RERE: variants seen among roughly 807,000 people sequenced by gnomAD.
RERE encodes the protein arginine-glutamic acid dipeptide repeats protein.
Under a neutral mutation model 146.1 loss-of-function variants are expected in RERE, and 40 were observed. The ratio of observed to expected loss-of-function variants is 0.27; its 90% CI spans 0.21 to 0.36. RERE has a LOEUF of 0.36. Ranked by LOEUF, RERE falls within the 10% of genes least tolerant of loss-of-function variation. RERE has a pLI of 1.00. For missense variants in RERE, 1,933 were observed against 2,138.7 expected (o/e 0.90, Z 1.90); for synonymous variants, 1,003 against 866.0 (o/e 1.16, Z -2.78).
chr1:8,465,916 C>G lies in RERE; in HGVS notation c.1203+9G>C. 1 of 1,613,316 alleles carries G rather than the reference C, an allele frequency of 6.2e-7. No homozygotes were observed. Among genetic ancestry groups the G allele is most frequent in the Non-Finnish European group, 8.5e-7 (1 of 1,179,332 alleles). The stretch of plus-strand genomic sequence containing the variant: ...CCAGAGCACAAGGCAAATGCTGGTT[C>G]CTGCTCACCACTTCGTCCTCGGTCC... On this transcript the variant is annotated intron_variant, in intron 11 of 22. Coordinates refer to ENST00000400908, the MANE Select transcript of RERE (RefSeq NM_001042681.2).
In RERE at chr1:8,789,301, A is replaced by AATAT. The variant is rs1553149622; in HGVS notation, c.-145+27855_-145+27858dup. Among the ~76,000 whole-genome samples, 129 of 24,786 alleles carry AATAT rather than the reference A, an allele frequency of 5.2e-3. 2 individuals are homozygous for AATAT. The highest frequency in any genetic ancestry group is 0.021 in the Middle Eastern group (1 of 48). 16.3% of individuals were successfully genotyped at this position (24,786 alleles called of 152,430 possible). A position where few individuals can be genotyped will look rare whatever the true frequency, so the allele number is the denominator to read the frequency against. On this transcript the variant is annotated intron_variant, in intron 1 of 22. Coordinates refer to ENST00000400908, the MANE Select transcript of RERE (RefSeq NM_001042681.2). ...CTCTACCAAAAAAAAAAAAAAAAAA[A>AATAT]ATATATATATATATATATATATATG...
rs140770849 is a variant in RERE at position 8,739,771 on chromosome 1, A to G, written c.-145+77389T>C. Among the ~76,000 whole-genome samples the G allele has an allele frequency of 4.9e-3, 743 of 152,012 alleles. 4 individuals carry two copies. The highest frequency in any genetic ancestry group is 0.017 in the African/African-American group (714 of 41,460). The stretch of plus-strand genomic sequence containing the variant: ...TCAAGTCCCACAGGTCCTACCTTCT[A>G]AGTATTTATTGAATCCATCTACTTC... On this transcript the variant is annotated intron_variant, in intron 1 of 22. Coordinates refer to ENST00000400908, the MANE Select transcript of RERE (RefSeq NM_001042681.2).
chr1:8,655,222 T>C (rs904120968), intron 2 of RERE, among the ~76,000 whole-genome samples: 41 of 151,926 alleles, frequency 2.7e-4, no homozygotes, highest in Non-Finnish European at 5.1e-4. Flanking sequence ...TTTTTTTTTT[T>C]CTGAGACGGA....
intron 1 of RERE, among the ~76,000 whole-genome samples, chr1:8,716,774 CTGG>C (rs137964387): frequency 1.5e-4 from 22 of 151,650 alleles, no homozygotes; most frequent in African/African-American, 5.1e-4. Context: ...CTTTGATCAC[CTGG>C]TGAAGAAAGT....
chr1:8,619,393 A>G (rs115361158), intron 3 of RERE, among the ~76,000 whole-genome samples: 2,312 of 152,332 alleles, frequency 0.015, 61 homozygotes, highest in African/African-American at 0.053. Context: ...ATGAATCAAT[A>G]TCATTAACCC....
At chr1:8,684,747 T>C (rs1003813212) in intron 1 of RERE, among the ~76,000 whole-genome samples, 1 of 152,230 alleles carries the variant, frequency 6.6e-6, no homozygotes, top group Non-Finnish European at 1.5e-5. Flanking sequence ...ACCACCATCT[T>C]TGCCTCCTGC....
At chr1:8,650,262 T>C (rs1290041251) in intron 2 of RERE, among the ~76,000 whole-genome samples, 1 of 152,180 alleles carries the variant, frequency 6.6e-6, no homozygotes, top group African/African-American at 2.4e-5. Context: ...AATTTAAATA[T>C]AGCTTGGGAC....
At chr1:8,654,630 G>GTTTTTTT (rs978497523) in intron 2 of RERE, among the ~76,000 whole-genome samples, 2 of 140,356 alleles carry the variant, frequency 1.4e-5, no homozygotes, top group African/African-American at 5.2e-5. Context: ...ATCTTGTTTT[G>GTTTTTTT]TTTTTTTTTG....
At chr1:8,729,055 C>T (rs1640028781) in intron 1 of RERE, among the ~76,000 whole-genome samples, 1 of 151,886 alleles carries the variant, frequency 6.6e-6, no homozygotes, top group South Asian at 2.1e-4. Context: ...ATCCTAGCTA[C>T]TCAGGAGGCT....
intron 1 of RERE, among the ~76,000 whole-genome samples, chr1:8,732,664 A>G (rs909634745): frequency 2.6e-5 from 4 of 152,204 alleles, no homozygotes; most frequent in African/African-American, 9.6e-5. Context: ...ACTTCAGTTA[A>G]TAATATATTA....
chr1:8,777,589 C>G (rs1008788990), intron 1 of RERE, among the ~76,000 whole-genome samples: 3 of 145,088 alleles, frequency 2.1e-5, no homozygotes, highest in Non-Finnish European at 4.5e-5. Flanking sequence ...GGCTGGAGTG[C>G]AGTGGCACAA....
chr1:8,442,444 T>C (rs1003189164), intron 11 of RERE, among the ~76,000 whole-genome samples: 1 of 151,898 alleles, frequency 6.6e-6, no homozygotes, highest in African/African-American at 2.4e-5. Context: ...TGCTCCTCCT[T>C]TCATCATGTG....
chr1:8,553,064 G>A (rs1490982846), intron 6 of RERE, among the ~76,000 whole-genome samples: 2 of 143,014 alleles, frequency 1.4e-5, no homozygotes, highest in South Asian at 2.2e-4. Flanking sequence ...CACACCAGTA[G>A]GCCAGTGTGT....
In RERE at chr1:8,414,990, G is replaced by C. The variant is rs78054286; in HGVS notation, c.1284+7737C>G. ...CTATTTTCCTAAGTATTACTCAAGG[G>C]TATAGTTTCAAATAAGATTAAAAAT... On this transcript the variant is annotated intron_variant, in intron 12 of 22. Coordinates refer to ENST00000400908, the MANE Select transcript of RERE (RefSeq NM_001042681.2). Among the ~76,000 whole-genome samples, 1,484 of 152,130 alleles carry C rather than the reference G, an allele frequency of 9.8e-3. 161 individuals are homozygous for C. The East Asian group carries it at 0.23, about 24-fold the overall frequency.
At chr1:8,398,473 G>A (rs193047089) in intron 12 of RERE, among the ~76,000 whole-genome samples, 1 of 152,330 alleles carries the variant, frequency 6.6e-6, no homozygotes, top group East Asian at 1.9e-4. Context: ...GACCGCCCCA[G>A]TGTAAAATAA....
At chr1:8,501,415 T>A (rs1244189946) in intron 8 of RERE, among the ~76,000 whole-genome samples, 18 of 53,526 alleles carry the variant, frequency 3.4e-4, no homozygotes, top group East Asian at 2.1e-3. Flanking sequence ...AGCCGCCCCG[T>A]CCGGGAGGTG....
intron 11 of RERE, among the ~76,000 whole-genome samples, chr1:8,464,136 G>A (rs539202198): frequency 2.0e-5 from 3 of 151,974 alleles, no homozygotes; most frequent in African/African-American, 7.3e-5. Flanking sequence ...TAATAATAAC[G>A]TTAAGATTTT....
chr1:8,778,228 A>G (rs1248924504), intron 1 of RERE, among the ~76,000 whole-genome samples: 1 of 152,226 alleles, frequency 6.6e-6, no homozygotes, highest in Non-Finnish European at 1.5e-5. Flanking sequence ...GTTGTCTTAA[A>G]GTCTTTCTGC....
chr1:8,684,004 C>A (rs1639032575), intron 1 of RERE, among the ~76,000 whole-genome samples: 1 of 152,168 alleles, frequency 6.6e-6, no homozygotes, highest in South Asian at 2.1e-4. Flanking sequence ...ACAACCTAAT[C>A]TTAATTAAAA....
Sources: gnomAD v4.1 joint callset for allele counts (sites outside exome capture counted in the v4.1 genomes callset) on GRCh38, gnomAD v4.1.1 for gene constraint, MANE v1.5 for transcripts, NCBI Gene and HGNC (gene_info 2026-07-23, HGNC 2026-07-21) for gene names.